Variants in DMD observed in about 807,000 individuals in gnomAD.
The protein encoded by DMD is dystrophin.
DMD carries 63 observed loss-of-function variants against 330.1 expected under a neutral mutation model. That is an observed-to-expected ratio of 0.19 (90% confidence interval 0.16 to 0.24). The LOEUF is 0.24. Ranked by LOEUF, DMD falls within the 10% of genes least tolerant of loss-of-function variation. The pLI, the probability that DMD is intolerant of heterozygous loss-of-function variation, is 1.00. For missense variants in DMD, 3,344 were observed against 2,684.1 expected (o/e 1.25, Z -5.43); for synonymous variants, 1,223 against 959.8 (o/e 1.27, Z -5.07).
chrX:31,771,789 T>C (rs1282590126), intron 51 of DMD, among the ~76,000 whole-genome samples: 2 of 111,820 alleles, frequency 1.8e-5, no homozygotes, highest in Non-Finnish European at 3.8e-5. Context: ...GCGTGAAACA[T>C]TGCACCTGGC....
At chrX:32,946,491 C>G (rs1472903612) in intron 2 of DMD, among the ~76,000 whole-genome samples, 3 of 111,927 alleles carry the variant, frequency 2.7e-5, no homozygotes, top group Non-Finnish European at 5.6e-5. Flanking sequence ...CTATAAAAAT[C>G]TAACGTAAAT....
intron 1 of DMD, among the ~76,000 whole-genome samples, chrX:33,297,215 G>C (rs1052970861): frequency 1.8e-5 from 2 of 111,228 alleles, no homozygotes; most frequent in Non-Finnish European, 3.8e-5. Flanking sequence ...TTAAGTAAAA[G>C]AACATAAAGT....
At chrX:31,153,915 T>TA (rs1172311753) in intron 74 of DMD, among the ~76,000 whole-genome samples, 1 of 112,244 alleles carries the variant, frequency 8.9e-6, no homozygotes. Context: ...CCAAATGAAA[T>TA]AAGGTTTTTT....
At chrX:32,941,017 G>A (rs1323375387) in intron 2 of DMD, among the ~76,000 whole-genome samples, 1 of 111,706 alleles carries the variant, frequency 9.0e-6, no homozygotes, top group African/African-American at 3.3e-5. Flanking sequence ...CTCAAAAGAA[G>A]ACATACAAGT....
At chrX:32,522,067 A>G (rs112982751) in intron 17 of DMD, among the ~76,000 whole-genome samples, 7,034 of 111,877 alleles carry the variant, frequency 0.063, 387 homozygotes, top group African/African-American at 0.17. Flanking sequence ...AATGGGAGAC[A>G]TAAATTTCTG....
At position 32,573,831 on chromosome X, in the gene DMD, A is replaced by G; in HGVS notation, c.1618T>C (p.Trp540Arg). The G allele has an allele frequency of 8.3e-7, 1 of 1,209,225 alleles. No homozygotes were observed. Among genetic ancestry groups the G allele is most frequent in the Non-Finnish European group, 1.1e-6 (1 of 893,366 alleles). The change falls in exon 14 of 79, where the codon TGG (tryptophan) becomes CGG (arginine). Residue 540 changes from tryptophan (W) to arginine (R), a missense_variant. By Grantham distance (101) the Trp-to-Arg change is moderately radical (BLOSUM62 -3). Transcript: ENST00000357033. Reference sequence around the variant, plus strand: ...TCTGTCCATCTACAGATGTTTGCCCATCGATCTCCCAATACCTGGAGAAGA... The same window carrying G: ...TCTGTCCATCTACAGATGTTTGCCCGTCGATCTCCCAATACCTGGAGAAGA... Reference protein sequence around the residue: ...EEQLKVLGDRWANICRWTEDR... With the variant: ...EEQLKVLGDRRANICRWTEDR...
intron 44 of DMD, among the ~76,000 whole-genome samples, chrX:32,103,218 C>G (rs1321560214): frequency 9.0e-6 from 1 of 111,468 alleles, no homozygotes; most frequent in African/African-American, 3.3e-5. Flanking sequence ...TATATATATG[C>G]TAACGATAAA....
intron 1 of DMD, among the ~76,000 whole-genome samples, chrX:33,144,960 T>C (rs911859841): frequency 1.8e-5 from 2 of 112,172 alleles, no homozygotes; most frequent in Admixed American, 1.9e-4. Flanking sequence ...AGCCCATGTG[T>C]AACTAACTCT....
intron 47 of DMD, among the ~76,000 whole-genome samples, chrX:31,880,155 T>C (rs1008893620): frequency 8.9e-6 from 1 of 112,137 alleles, no homozygotes; most frequent in Non-Finnish European, 1.9e-5. Context: ...CATATTAAGA[T>C]GGATTTCATA....
chrX:32,677,237 T>C (rs1015482932), intron 9 of DMD, among the ~76,000 whole-genome samples: 1 of 111,472 alleles, frequency 9.0e-6, no homozygotes, highest in Non-Finnish European at 1.9e-5. Context: ...TTGTCTTAGC[T>C]ACATTTTCAG....
At chrX:32,618,224 G>A (rs746270706) in intron 11 of DMD, among the ~76,000 whole-genome samples, 1 of 111,987 alleles carries the variant, frequency 8.9e-6, no homozygotes, top group Non-Finnish European at 1.9e-5. Flanking sequence ...ACATATGTTC[G>A]TGGCAGCACT....
At chrX:32,749,086 T>A (rs1358333804) in intron 7 of DMD, among the ~76,000 whole-genome samples, 1 of 112,151 alleles carries the variant, frequency 8.9e-6, no homozygotes, top group Non-Finnish European at 1.9e-5. Context: ...CATTATTTTA[T>A]ATGCTATGGC....
chrX:31,879,464 A>G (rs752988966), intron 47 of DMD, among the ~76,000 whole-genome samples: 2 of 111,814 alleles, frequency 1.8e-5, no homozygotes, highest in East Asian at 2.8e-4. Flanking sequence ...CAGCCAAACC[A>G]TGTCAATTAC....
At chrX:33,215,319 A>G (rs1175683172), upstream of DMD, among the ~76,000 whole-genome samples, 6 of 35,829 alleles carry the variant, frequency 1.7e-4, no homozygotes, top group Admixed American at 1.1e-3. Flanking sequence ...GCAAGACCCT[A>G]TCTCAAAAAA....
At chrX:33,272,510 C>T (rs1159221015) in intron 1 of DMD, among the ~76,000 whole-genome samples, 1 of 111,288 alleles carries the variant, frequency 9.0e-6, no homozygotes, top group Non-Finnish European at 1.9e-5. Context: ...ATTATTTGCA[C>T]CATAAAGTTT....
intron 44 of DMD, among the ~76,000 whole-genome samples, chrX:32,128,451 T>G (rs1265050523): frequency 8.9e-6 from 1 of 112,328 alleles, no homozygotes; most frequent in Non-Finnish European, 1.9e-5. Context: ...ATCCTAATGA[T>G]TTGAACTATA....
intron 45 of DMD, among the ~76,000 whole-genome samples, chrX:31,944,793 G>C (rs956987334): frequency 9.1e-6 from 1 of 110,005 alleles, no homozygotes; most frequent in Admixed American, 9.7e-5. Context: ...CAGGCGTGAG[G>C]CACCGCGCCT....
chrX:31,251,738 A>G (rs1394305878), intron 63 of DMD, among the ~76,000 whole-genome samples: 2 of 112,517 alleles, frequency 1.8e-5, no homozygotes, highest in African/African-American at 6.5e-5. Context: ...GGCTTAAAAA[A>G]GAAATATTGG....
chrX:31,968,625 C>T (rs2095371770), intron 44 of DMD, 111 bp from the exon 45 acceptor site: 1 of 832,400 alleles, frequency 1.2e-6, no homozygotes, highest in Non-Finnish European at 1.7e-6. Flanking sequence ...GAAAGAAATA[C>T]AAAAGCTCCA....
Sources: allele counts gnomAD v4.1 joint callset (sites outside exome capture counted in the v4.1 genomes callset), GRCh38; gene constraint gnomAD v4.1.1; transcripts MANE v1.5; gene names NCBI Gene and HGNC (gene_info 2026-07-23, HGNC 2026-07-21).